Variants in FANCL observed in about 807,000 individuals in gnomAD.
FANCL encodes the protein FA complementation group L, also known as E3 ubiquitin-protein ligase FANCL.
FANCL carries 69 observed loss-of-function variants against 59.4 expected under a neutral mutation model. The observed-to-expected ratio is 1.16, with a 90% CI of 0.96 to 1.42. FANCL has a LOEUF of 1.42. Among genes scored for constraint, FANCL ranks in the 40% most tolerant of loss-of-function variants. The probability of loss-of-function intolerance (pLI) is 0.00; values close to 1 mark genes in which losing one functional copy is unlikely to be tolerated. For missense variants in FANCL, 519 were observed against 447.2 expected (o/e 1.16, Z -1.45); for synonymous variants, 180 against 147.1 (o/e 1.22, Z -1.62).
At chr2:58,222,304 G>C (rs1163613396) in intron 4 of FANCL, among the ~76,000 whole-genome samples, 2 of 127,374 alleles carry the variant, frequency 1.6e-5, no homozygotes, top group African/African-American at 7.0e-5. Context: ...GGACTATTAT[G>C]CCTATCGGAG....
rs369374140 is a variant in FANCL at position 58,161,979 on chromosome 2, G to A, written c.904-341C>T. On this transcript the variant is annotated intron_variant, in intron 11 of 13. Transcript: ENST00000233741. ...TAACACCTAGCAAAGCTATTGTAGG[G>A]TGTTTCCTTTTCCACTCAAATATAC... Among the ~76,000 whole-genome samples, 51 of 151,912 alleles carry A rather than the reference G, an allele frequency of 3.4e-4. No homozygotes were observed. The East Asian group carries it at 9.3e-3, about 28-fold the overall frequency.
chr2:58,189,279 C>G (rs929271588), intron 7 of FANCL, among the ~76,000 whole-genome samples: 5 of 152,030 alleles, frequency 3.3e-5, no homozygotes, highest in African/African-American at 1.2e-4. Flanking sequence ...CTCAATAAAG[C>G]TATTTAAAAA....
At chr2:58,160,067 G>T (rs1471768505) in intron 13 of FANCL, 41 bp downstream of exon 13, 1 of 1,609,082 alleles carries the variant, frequency 6.2e-7, no homozygotes, top group Admixed American at 1.7e-5. Flanking sequence ...ATTACTGAAA[G>T]CTAGGCACAT....
chr2:58,208,846 G>A, intron 5 of FANCL, among the ~76,000 whole-genome samples: 1 of 152,114 alleles, frequency 6.6e-6, no homozygotes, highest in South Asian at 2.1e-4. Flanking sequence ...TCAATCCCTT[G>A]CTCAAAAATA....
intron 12 of FANCL, among the ~76,000 whole-genome samples, chr2:58,160,821 C>A (rs1163173275): frequency 6.6e-6 from 1 of 151,980 alleles, no homozygotes; most frequent in Non-Finnish European, 1.5e-5. Context: ...GTACAGACGG[C>A]ACCAACTGCT....
chr2:58,201,143 T>C (rs72810377), intron 6 of FANCL, among the ~76,000 whole-genome samples: 7,858 of 150,914 alleles, frequency 0.052, 298 homozygotes, highest in African/African-American at 0.098. Context: ...AAATACAATA[T>C]AAGAAAGTAA....
rs766351502 is a variant in FANCL, at chr2:58,163,065, G to T, written c.785C>A (p.Pro262His). ...GTTCCTGCTCAGCTTAATTCCCAGG[G>T]GTTTTACCACTTCAGATTAAAAAAA... The part of the protein sequence containing the change: ...FFLGADHVVK[P>H]LGIKLSRNIH... The change falls in exon 10 of 14, where the codon CCC becomes CAC. Residue 262 changes from proline to histidine, a missense_variant. Transcript: ENST00000233741. 1.9e-6 allele frequency: 3 copies of T among 1,611,194 alleles called. No homozygotes were observed. Among genetic ancestry groups the T allele is most frequent in the Non-Finnish European group, 2.5e-6 (3 of 1,178,770 alleles).
chr2:58,169,353 C>G (rs1236679522), intron 7 of FANCL, among the ~76,000 whole-genome samples: 1 of 152,096 alleles, frequency 6.6e-6, no homozygotes, highest in Non-Finnish European at 1.5e-5. Context: ...AAAGCAATAG[C>G]ATCAACATCA....
At chr2:58,166,018 T>C in intron 7 of FANCL, 144 bp from the exon 8 acceptor site, 1 of 740,788 alleles carries the variant, frequency 1.3e-6, no homozygotes. Flanking sequence ...TAGTCGACTC[T>C]CCCTGCTTCA....
intron 5 of FANCL, among the ~76,000 whole-genome samples, chr2:58,204,731 A>C (rs533632672): frequency 6.6e-6 from 1 of 152,212 alleles, no homozygotes; most frequent in Admixed American, 6.6e-5. Flanking sequence ...CTCTAAGGAA[A>C]ATGCTGTATA....
intron 11 of FANCL, among the ~76,000 whole-genome samples, chr2:58,162,409 T>C (rs1685323007): frequency 6.6e-6 from 1 of 151,976 alleles, no homozygotes; most frequent in African/African-American, 2.4e-5. Context: ...CTGTCATTAA[T>C]GACGTCACTA....
At chr2:58,179,892 G>A (rs536058182) in intron 7 of FANCL, among the ~76,000 whole-genome samples, 25 of 151,704 alleles carry the variant, frequency 1.6e-4, no homozygotes, top group Admixed American at 6.6e-4. Flanking sequence ...AAAAACAACC[G>A]TATCTAAAAG....
intron 7 of FANCL, among the ~76,000 whole-genome samples, chr2:58,182,486 T>A (rs1286264910): frequency 6.6e-6 from 1 of 151,890 alleles, no homozygotes; most frequent in Non-Finnish European, 1.5e-5. Context: ...TCGTTGTTAA[T>A]GTTTAAAATA....
chr2:58,232,701 T>C (rs1001975723), intron 1 of FANCL, among the ~76,000 whole-genome samples: 7 of 151,972 alleles, frequency 4.6e-5, no homozygotes, highest in Non-Finnish European at 4.4e-5. Flanking sequence ...AACTATATAT[T>C]TGAACAAACA....
intron 5 of FANCL, among the ~76,000 whole-genome samples, chr2:58,216,258 C>G (rs981764555): frequency 6.6e-6 from 1 of 152,162 alleles, no homozygotes; most frequent in Non-Finnish European, 1.5e-5. Flanking sequence ...CCTGAACCCA[C>G]TTGGGCCCTT....
intron 5 of FANCL, among the ~76,000 whole-genome samples, chr2:58,204,793 T>C (rs1168323594): frequency 1.3e-5 from 2 of 152,110 alleles, no homozygotes; most frequent in Non-Finnish European, 2.9e-5. Flanking sequence ...CTGCACGATA[T>C]ATAGCTTCTG....
chr2:58,180,605 T>C (rs936371660), intron 7 of FANCL, among the ~76,000 whole-genome samples: 3 of 152,068 alleles, frequency 2.0e-5, no homozygotes, highest in Admixed American at 6.6e-5. Context: ...ATACCTAATG[T>C]AGATGTCGGG....
chr2:58,171,571 T>G (rs1378458448), intron 7 of FANCL, among the ~76,000 whole-genome samples: 3 of 152,054 alleles, frequency 2.0e-5, no homozygotes, highest in Admixed American at 1.3e-4. Flanking sequence ...TTCAAAAAAA[T>G]CAATGAACCC....
chr2:58,176,347 G>C, intron 7 of FANCL, among the ~76,000 whole-genome samples: 1 of 151,982 alleles, frequency 6.6e-6, no homozygotes, highest in East Asian at 1.9e-4. Flanking sequence ...AAAGAACAAA[G>C]CTGGAGGCAT....
Sources: gnomAD v4.1 joint callset for allele counts (sites outside exome capture counted in the v4.1 genomes callset) on GRCh38, gnomAD v4.1.1 for gene constraint, MANE v1.5 for transcripts, NCBI Gene and HGNC (gene_info 2026-07-23, HGNC 2026-07-21) for gene names.